The following METAP2 variants were observed in gnomAD, a reference collection of about 807,000 sequenced individuals.
The protein encoded by METAP2 is methionine aminopeptidase 2.
METAP2 carries 25 observed loss-of-function variants against 59.4 expected under a neutral mutation model. The observed-to-expected ratio is 0.42, with a 90% confidence interval of 0.31 to 0.59. The LOEUF is 0.59. METAP2 is among the 20% of genes least tolerant of loss of function. The pLI is 0.16. For synonymous variants in METAP2, 214 were observed against 194.1 expected (o/e 1.10, Z -0.85); for missense variants, 366 against 581.2 (o/e 0.63, Z 3.81).
intron 7 of METAP2, among the ~76,000 whole-genome samples, chr12:95,502,328 G>A (rs2076322696): frequency 6.6e-6 from 1 of 152,038 alleles, no homozygotes. Context: ...CACTTTTGAA[G>A]GACAGTTTTC....
intron 6 of METAP2, among the ~76,000 whole-genome samples, chr12:95,495,508 A>G (rs909977004): frequency 2.6e-5 from 4 of 152,188 alleles, no homozygotes; most frequent in African/African-American, 7.2e-5. Flanking sequence ...ATCAGCCTTA[A>G]TATACATGTT....
chr12:95,505,929 T>C (rs927082873), intron 8 of METAP2, among the ~76,000 whole-genome samples: 1 of 150,176 alleles, frequency 6.7e-6, no homozygotes, highest in African/African-American at 2.5e-5. Context: ...ACCCCGTCTC[T>C]ACTAAATACA....
At chr12:95,505,022 C>T (rs749732577) in intron 8 of METAP2, among the ~76,000 whole-genome samples, 1 of 152,188 alleles carries the variant, frequency 6.6e-6, no homozygotes, top group Non-Finnish European at 1.5e-5. Context: ...CCATCCTCCT[C>T]CCTCATCTGT....
chr12:95,506,751 C>T (rs950376045), intron 8 of METAP2, among the ~76,000 whole-genome samples: 2 of 151,960 alleles, frequency 1.3e-5, no homozygotes, highest in African/African-American at 4.8e-5. Flanking sequence ...CAGATATTCT[C>T]TTTAAGATCT....
chr12:95,505,584 C>T (rs1186562857), intron 8 of METAP2, among the ~76,000 whole-genome samples: 3 of 151,954 alleles, frequency 2.0e-5, no homozygotes, highest in African/African-American at 4.8e-5. Context: ...CTCCCAGGTT[C>T]GAGCCATTCA....
At chr12:95,492,162 A>ATG (rs888583710) in intron 4 of METAP2, among the ~76,000 whole-genome samples, 7 of 112,160 alleles carry the variant, frequency 6.2e-5, no homozygotes, top group African/African-American at 2.5e-4. Flanking sequence ...GTGTATGTAT[A>ATG]TGTGTGTGTA....
intron 6 of METAP2, among the ~76,000 whole-genome samples, chr12:95,495,422 A>G (rs2140152454): frequency 6.6e-6 from 1 of 152,200 alleles, no homozygotes; most frequent in South Asian, 2.1e-4. Flanking sequence ...GAAAGACATT[A>G]TCCTACCTTT....
chr12:95,486,343 T>A (rs989148139), intron 4 of METAP2, among the ~76,000 whole-genome samples: 1 of 152,188 alleles, frequency 6.6e-6, no homozygotes, highest in Non-Finnish European at 1.5e-5. Flanking sequence ...CTGAGTGATA[T>A]AAGGGTTGAT....
chr12:95,513,741 A>G lies in METAP2; in HGVS notation c.1274A>G (p.Glu425Gly). Reference sequence around the variant, plus strand: ...CGCAGATGGCTGGATCGCTTGGGAGAAAGTAAATACTTGATGGCTCTGAAG... The same window carrying G: ...CGCAGATGGCTGGATCGCTTGGGAGGAAGTAAATACTTGATGGCTCTGAAG... Reference protein sequence around the residue: ...FCRRWLDRLGESKYLMALKNL... With the variant: ...FCRRWLDRLGGSKYLMALKNL... Residue 425 changes from glutamate to glycine, a missense_variant, in exon 11 of 11, where the codon GAA becomes GGA. Transcript: ENST00000323666. The G allele has an allele frequency of 6.2e-7, 1 of 1,614,234 alleles. No individual in the cohort carries two copies. Among genetic ancestry groups the G allele is most frequent in the Non-Finnish European group, 8.5e-7 (1 of 1,180,044 alleles).
intron 9 of METAP2, 114 bp downstream of exon 9, chr12:95,512,112 A>G: frequency 1.5e-6 from 1 of 658,214 alleles, no homozygotes; most frequent in Admixed American, 3.1e-5. Flanking sequence ...CTTATCATCC[A>G]TATTCACCCT....
chr12:95,504,056 T>C lies in METAP2; in HGVS notation c.868-9T>C, dbSNP rs1441420041. The stretch of plus-strand genomic sequence containing the variant: ...TTGAATAATAAAGCATATGTTACTC[T>C]TTTTTTAGTGTGCTGGAATTGATGT... On this transcript the variant is annotated splice_polypyrimidine_tract_variant and intron_variant, in intron 7 of 10. Coordinates refer to ENST00000323666, the MANE Select transcript of METAP2 (RefSeq NM_006838.4). 1.2e-6 allele frequency: 2 copies of C among 1,600,850 alleles called. No homozygotes were observed. The highest frequency in any genetic ancestry group is 1.3e-5 in the African/African-American group (1 of 74,402).
At chr12:95,495,886 C>T in intron 6 of METAP2, 118 bp from the exon 7 acceptor site, 1 of 652,538 alleles carries the variant, frequency 1.5e-6, no homozygotes. Context: ...GTGCAGCCTT[C>T]ATTTGAGCCT....
At chr12:95,475,824 C>T (rs977415012) in intron 1 of METAP2, among the ~76,000 whole-genome samples, 29 of 144,308 alleles carry the variant, frequency 2.0e-4, no homozygotes, top group African/African-American at 2.7e-5. Context: ...GAGACCAGTT[C>T]ACGCTGTTTA....
intron 6 of METAP2, among the ~76,000 whole-genome samples, chr12:95,495,459 T>A (rs930177669): frequency 4.6e-4 from 58 of 125,008 alleles, no homozygotes; most frequent in African/African-American, 1.7e-3. Context: ...CATATCTCTT[T>A]TATTCAAATA....
At chr12:95,498,211 C>T (rs2076289751) in intron 7 of METAP2, among the ~76,000 whole-genome samples, 1 of 151,706 alleles carries the variant, frequency 6.6e-6, no homozygotes, top group Non-Finnish European at 1.5e-5. Flanking sequence ...GCTCAAGCTG[C>T]ACCCTCACCT....
intron 7 of METAP2, among the ~76,000 whole-genome samples, chr12:95,498,501 A>G (rs2076291801): frequency 6.6e-6 from 1 of 152,112 alleles, no homozygotes. Context: ...CCAGTAAATC[A>G]TTGCTAAATT....
At position 95,495,126 on chromosome 12, in the gene METAP2, A is replaced by G; in HGVS notation, c.760A>G (p.Thr254Ala). Residue 254 changes from threonine to alanine, a missense_variant, in exon 6 of 11, where the codon ACA becomes GCA. Physicochemically the swap from Thr to Ala is moderately conservative, Grantham distance 58. Around this residue, in one of 4 missense-constraint regions of METAP2, gnomAD observed 106 missense variants for 221.9 expected, o/e 0.48. Coordinates refer to ENST00000323666, the MANE Select transcript of METAP2 (RefSeq NM_006838.4). ...TGACATCTGTAAAATAGACTTTGGA[A>G]CACATATAAGTGGTAAATTCTTGCA... ...YDDICKIDFG[T>A]HISGRIIDCA... The G allele has an allele frequency of 2.5e-6, 4 of 1,611,564 alleles. No individual in the cohort carries two copies. The highest frequency in any genetic ancestry group is 3.4e-6 in the Non-Finnish European group (4 of 1,178,408).
At chr12:95,491,153 T>G (rs1052880816) in intron 4 of METAP2, among the ~76,000 whole-genome samples, 2 of 152,090 alleles carry the variant, frequency 1.3e-5, no homozygotes, top group Non-Finnish European at 2.9e-5. Context: ...TGGGGCTACT[T>G]TGGTATCATT....
chr12:95,485,992 T>C lies in METAP2; in HGVS notation c.428+11T>C. On this transcript the variant is annotated intron_variant, in intron 4 of 10. Transcript: ENST00000323666. ...ACCCACACAAGATGGGTAAGGATCA[T>C]CAAATCACTTCCAGTTTAATTTCTG... 1.3e-6 allele frequency: 2 copies of C among 1,502,640 alleles called. No homozygotes were observed. The highest frequency in any genetic ancestry group is 1.8e-6 in the Non-Finnish European group (2 of 1,095,942). 93.1% of individuals were successfully genotyped at this position (1,502,640 alleles called of 1,614,324 possible).
Sources: allele counts gnomAD v4.1 joint callset (sites outside exome capture counted in the v4.1 genomes callset), GRCh38; gene constraint gnomAD v4.1.1; regional missense constraint gnomAD v4.1.1; transcripts MANE v1.5; gene names NCBI Gene and HGNC (gene_info 2026-07-23, HGNC 2026-07-21).